The following FAM120A variants were observed in gnomAD, a reference collection of about 807,000 sequenced individuals.
The protein encoded by FAM120A is constitutive coactivator of PPAR-gamma-like protein 1.
A neutral mutation model predicts 109.7 loss-of-function variants in FAM120A; 15 were observed. That is an observed-to-expected ratio of 0.14 (90% CI 0.09 to 0.21). FAM120A has a LOEUF of 0.21. FAM120A is among the 10% of genes least tolerant of loss of function. The pLI, the probability that FAM120A is intolerant of heterozygous loss-of-function variation, is 1.00. For missense variants in FAM120A, 899 were observed against 1,439.3 expected, an observed-to-expected ratio of 0.62 and a Z score of 6.07; for synonymous variants, 493 against 572.8, an observed-to-expected ratio of 0.86 and a Z score of 1.99.
intron 17 of FAM120A, among the ~76,000 whole-genome samples, chr9:93,563,899 A>G (rs1431942284): frequency 2.6e-5 from 4 of 152,190 alleles, no homozygotes; most frequent in African/African-American, 9.6e-5. Context: ...AACAGTCGCA[A>G]TTTTAGAGAG....
chr9:93,563,916 T>C (rs949299377), intron 17 of FAM120A, among the ~76,000 whole-genome samples: 1 of 152,220 alleles, frequency 6.6e-6, no homozygotes, highest in Non-Finnish European at 1.5e-5. Context: ...AGAGGACTTA[T>C]TGAGGGGCAT....
intron 7 of FAM120A, 133 bp downstream of exon 7, chr9:93,516,402 A>G (rs1487716453): frequency 5.7e-6 from 7 of 1,221,372 alleles, no homozygotes; most frequent in African/African-American, 3.1e-5. Flanking sequence ...GTCAGTCTGT[A>G]CTCAGATGGG....
chr9:93,551,754 G>A lies in FAM120A; in HGVS notation c.2274+1063G>A, dbSNP rs1355230014. 3.3e-5 allele frequency among the ~76,000 whole-genome samples: 5 copies of A among 152,212 alleles called. 1 individual carries two copies. Among genetic ancestry groups the A allele is most frequent in the Admixed American group, 3.3e-4 (5 of 15,286 alleles). On this transcript the variant is annotated intron_variant, in intron 12 of 17. Transcript: ENST00000277165. The stretch of plus-strand genomic sequence containing the variant: ...GTGTTAAGTGACCCTCCTCAATTGT[G>A]TGGAGCTCACCTGAGACTTCTTGTG...
intron 3 of FAM120A, among the ~76,000 whole-genome samples, chr9:93,483,588 T>A (rs1858915339): frequency 6.6e-6 from 1 of 152,200 alleles, no homozygotes; most frequent in African/African-American, 2.4e-5. Context: ...AGTACAGAAA[T>A]ATGTCATGTG....
intron 1 of FAM120A, among the ~76,000 whole-genome samples, chr9:93,460,917 T>G (rs1857767797): frequency 6.6e-6 from 1 of 152,208 alleles, no homozygotes; most frequent in African/African-American, 2.4e-5. Flanking sequence ...GCTTCTTAAC[T>G]TAGGAGATGT....
chr9:93,494,909 G>A (rs960680389), intron 3 of FAM120A, among the ~76,000 whole-genome samples: 1 of 152,124 alleles, frequency 6.6e-6, no homozygotes, highest in Admixed American at 6.5e-5. Context: ...CCATTCTATG[G>A]ACCTCACCCT....
chr9:93,544,714 G>A (rs986784029), intron 11 of FAM120A, among the ~76,000 whole-genome samples: 17 of 152,228 alleles, frequency 1.1e-4, no homozygotes, highest in African/African-American at 4.1e-4. Context: ...GAGCTGTTAG[G>A]CTTGTTGTCC....
intron 5 of FAM120A, among the ~76,000 whole-genome samples, chr9:93,506,501 GTATCTT>G (rs770719255): frequency 2.2e-4 from 34 of 151,212 alleles, no homozygotes; most frequent in Non-Finnish European, 3.5e-4. Context: ...TAGTTTATTT[GTATCTT>G]GCTTTGGCTG....
chr9:93,551,516 AT>A (rs1245857159), intron 12 of FAM120A, among the ~76,000 whole-genome samples: 5 of 151,472 alleles, frequency 3.3e-5, no homozygotes, highest in Admixed American at 3.3e-4. Context: ...GTTTTGTTTT[AT>A]TTTGTTTTGT....
chr9:93,473,500 A>G (rs1490010364), intron 2 of FAM120A, among the ~76,000 whole-genome samples: 1 of 152,050 alleles, frequency 6.6e-6, no homozygotes, highest in Non-Finnish European at 1.5e-5. Context: ...TGGTTGAGAC[A>G]GGGTTTCATC....
In FAM120A at chr9:93,564,480, A is replaced by G. The variant is rs1316926862; in HGVS notation, c.3297A>G (p.Thr1099=). 6.2e-7 allele frequency: 1 copy of G among 1,614,056 alleles called. No individual in the cohort carries two copies. The change falls in exon 18 of 18, where the codon ACA becomes ACG. Residue 1099 remains threonine, a synonymous_variant. Coordinates refer to ENST00000277165, the MANE Select transcript of FAM120A (RefSeq NM_014612.5). ...NTNPHLNALS[T]DSACRREAAL... is the part of the protein sequence containing the mutation. ...ATCCTCATTTAAATGCACTAAGTAC[A>G]GACAGCGCTTGCCGCAGAGAAGCTG...
chr9:93,542,754 A>G (rs1313727016), intron 10 of FAM120A, among the ~76,000 whole-genome samples: 2 of 152,250 alleles, frequency 1.3e-5, no homozygotes, highest in African/African-American at 4.8e-5. Flanking sequence ...TGGCTACTGC[A>G]TGCAAATTAT....
At chr9:93,477,544 T>C (rs2131280971) in intron 3 of FAM120A, among the ~76,000 whole-genome samples, 1 of 152,358 alleles carries the variant, frequency 6.6e-6, no homozygotes, top group African/African-American at 2.4e-5. Context: ...AAGCTTCTGG[T>C]GATGCCATGA....
chr9:93,481,964 G>A (rs1479924730), intron 3 of FAM120A, among the ~76,000 whole-genome samples: 2 of 152,074 alleles, frequency 1.3e-5, no homozygotes, highest in East Asian at 3.9e-4. Context: ...TTCCCCTAAA[G>A]TACTCTTCTT....
Position 93,476,259 on chromosome 9 carries a change from A to G in FAM120A, c.725A>G (p.Asn242Ser), listed in dbSNP as rs771584709. ...RFPIFAALLG[N>S]HILPDEDLAS... Reference sequence around the variant, plus strand: ...GTTATCCATGTTTATATTCCAGGAAATCACATTCTGCCTGATGAAGATCTG... The same window carrying G: ...GTTATCCATGTTTATATTCCAGGAAGTCACATTCTGCCTGATGAAGATCTG... Residue 242 changes from asparagine to serine, a missense_variant, in exon 3 of 18, where the codon AAT (asparagine) becomes AGT (serine). Around this residue, in one of 11 missense-constraint regions of FAM120A, gnomAD observed 258 missense variants for 451.4 expected, o/e 0.57. Coordinates refer to ENST00000277165, the MANE Select transcript of FAM120A (RefSeq NM_014612.5). The G allele has an allele frequency of 5.0e-6, 8 of 1,601,088 alleles. No homozygotes were observed. Among genetic ancestry groups the G allele is most frequent in the Non-Finnish European group, 6.8e-6 (8 of 1,168,904 alleles).
In FAM120A at chr9:93,564,372, G is replaced by C. The variant is rs1217336821; in HGVS notation, c.3189G>C (p.Gln1063His). 5.0e-6 allele frequency: 8 copies of C among 1,614,054 alleles called. No individual in the cohort carries two copies. The highest frequency in any genetic ancestry group is 1.3e-5 in the African/African-American group (1 of 74,928). Reference protein sequence around the residue: ...GVMAEEKPAPQMNGSTGDARA... With the variant: ...GVMAEEKPAPHMNGSTGDARA... ...TGGCCGAGGAGAAGCCGGCTCCCCA[G>C]ATGAACGGGAGCACGGGTGACGCCA... The change falls in exon 18 of 18, where the codon CAG becomes CAC. Residue 1063 changes from glutamine to histidine, a missense_variant. By Grantham distance (24) the Gln-to-His change is conservative. Coordinates refer to ENST00000277165, the MANE Select transcript of FAM120A (RefSeq NM_014612.5).
At chr9:93,502,449 A>C (rs986962916) in intron 5 of FAM120A, among the ~76,000 whole-genome samples, 4 of 152,158 alleles carry the variant, frequency 2.6e-5, no homozygotes, top group Non-Finnish European at 5.9e-5. Context: ...TTTAGGAACC[A>C]CAACTCATCC....
At chr9:93,518,286 C>T (rs1460714105) in intron 7 of FAM120A, among the ~76,000 whole-genome samples, 14 of 152,096 alleles carry the variant, frequency 9.2e-5, no homozygotes, top group East Asian at 3.9e-4. Context: ...GGGTATGACG[C>T]GTGTGCCAAG....
chr9:93,545,418 C>T (rs1245438608), intron 11 of FAM120A, among the ~76,000 whole-genome samples: 1 of 152,226 alleles, frequency 6.6e-6, no homozygotes, highest in East Asian at 1.9e-4. Context: ...GCATTCGTAG[C>T]TTCTGGCTCT....
Sources: allele counts gnomAD v4.1 joint callset (sites outside exome capture counted in the v4.1 genomes callset), GRCh38; gene constraint gnomAD v4.1.1; regional missense constraint gnomAD v4.1.1; transcripts MANE v1.5; gene names NCBI Gene and HGNC (gene_info 2026-07-23, HGNC 2026-07-21).